ABCG1: variants seen among roughly 807,000 people sequenced by gnomAD.
ABCG1 encodes the protein ATP binding cassette subfamily G member 1.
A neutral mutation model predicts 69.2 loss-of-function variants in ABCG1; 29 were observed. That is an observed-to-expected ratio of 0.42 (90% CI 0.31 to 0.57). ABCG1 has a LOEUF of 0.57. ABCG1 is among the 20% of genes least tolerant of loss of function. The pLI is 0.15. For synonymous variants in ABCG1, 370 were observed against 374.8 expected, an observed-to-expected ratio of 0.99 and a Z score of 0.15; for missense variants, 718 against 898.1, an observed-to-expected ratio of 0.80 and a Z score of 2.56.
chr21:42,263,023 G>A (rs1190407201), intron 2 of ABCG1, among the ~76,000 whole-genome samples: 1 of 152,230 alleles, frequency 6.6e-6, no homozygotes, highest in African/African-American at 2.4e-5. Flanking sequence ...AGCCCCGAGC[G>A]ATGCTGCCGT....
chr21:42,202,286 T>C (rs941955199), intron 2 of ABCG1, among the ~76,000 whole-genome samples: 3 of 152,174 alleles, frequency 2.0e-5, no homozygotes, highest in Non-Finnish European at 4.4e-5. Flanking sequence ...GGGTTTCATG[T>C]TAGTGAAAAC....
chr21:42,238,869 A>G (rs225447), intron 2 of ABCG1, among the ~76,000 whole-genome samples: 80,635 of 152,078 alleles, frequency 0.53, 23,276 homozygotes, highest in African/African-American at 0.77. Context: ...TGGGAGCCAC[A>G]GTCTCACACC....
At chr21:42,264,608 G>A (rs904206571) in intron 2 of ABCG1, among the ~76,000 whole-genome samples, 4 of 152,240 alleles carry the variant, frequency 2.6e-5, no homozygotes, top group Admixed American at 6.5e-5. Flanking sequence ...GAGATGGAAA[G>A]GTGAGGTTCC....
intron 4 of ABCG1, among the ~76,000 whole-genome samples, chr21:42,274,282 C>G (rs913947767): frequency 6.6e-5 from 10 of 152,332 alleles, no homozygotes; most frequent in African/African-American, 2.4e-4. Context: ...TCCTAGTAAG[C>G]CTCCCCACAG....
chr21:42,204,923 G>A (rs2067531945), intron 2 of ABCG1, among the ~76,000 whole-genome samples: 1 of 152,080 alleles, frequency 6.6e-6, no homozygotes, highest in Non-Finnish European at 1.5e-5. Flanking sequence ...TTTTCTGGAG[G>A]AGATTGCCTA....
In ABCG1 at chr21:42,288,779, G is replaced by A. The variant is rs778120180; in HGVS notation, c.1224+467G>A. On this transcript the variant is annotated intron_variant, in intron 10 of 14. Transcript: ENST00000398449. This position sits in a 1 kb window ranked among gnomAD's most constrained non-coding sequence, Gnocchi z 4.8. ...AGGAAGGGAAGGGAAGGAAAGGAAA[G>A]GAAAAAAGAAAGAAAGAAAGAAATG... is the stretch of plus-strand genomic sequence containing the variant. 3.3e-5 allele frequency among the ~76,000 whole-genome samples: 5 copies of A among 151,564 alleles called. No individual in the cohort carries two copies. Among genetic ancestry groups the A allele is most frequent in the Admixed American group, 6.6e-5 (1 of 15,224 alleles).
At chr21:42,212,705 AT>A (rs35840150), upstream of ABCG1, among the ~76,000 whole-genome samples, 13,242 of 140,040 alleles carry the variant, frequency 0.095, 563 homozygotes, top group East Asian at 0.21. Flanking sequence ...TTAAAAACAG[AT>A]TTTTTTTTTT....
Position 42,259,588 on chromosome 21 carries a change from G to A in ABCG1, c.287-11482G>A, listed in dbSNP as rs190843779. ...GCAAATCGAGTGGCATTGCCTCTGC[G>A]GAGCTGGCCATTACCTTGTTTCCTA... On this transcript the variant is annotated intron_variant, in intron 2 of 14. Coordinates refer to ENST00000398449, the MANE Select transcript of ABCG1 (RefSeq NM_016818.3). The A allele has an allele frequency of 3.3e-4, 478 of 1,461,800 alleles. 2 individuals carry two copies. The Middle Eastern group carries it at 6.8e-3, about 21-fold the overall frequency. 90.6% of individuals were successfully genotyped at this position (1,461,800 alleles called of 1,614,324 possible).
upstream of ABCG1, among the ~76,000 whole-genome samples, chr21:42,213,364 C>G (rs2123477235): frequency 6.6e-6 from 1 of 152,380 alleles, no homozygotes; most frequent in South Asian, 2.1e-4. Context: ...GGGCCATCTC[C>G]ATGGGTGTGT....
At chr21:42,256,231 G>T in intron 2 of ABCG1, 3 of 1,454,992 alleles carry the variant, frequency 2.1e-6, no homozygotes, top group Non-Finnish European at 2.7e-6. Flanking sequence ...ATACAAGAAA[G>T]ATGCTAGCAG....
chr21:42,242,234 T>G (rs1488396479), intron 2 of ABCG1, among the ~76,000 whole-genome samples: 1 of 152,260 alleles, frequency 6.6e-6, no homozygotes, highest in Non-Finnish European at 1.5e-5. Context: ...CCTGGCACAG[T>G]GGCTCAGGCC....
In ABCG1 at chr21:42,219,711, C is replaced by A; in HGVS notation, c.42+407C>A. On this transcript the variant is annotated intron_variant, in intron 1 of 14. Coordinates refer to ENST00000398449, the MANE Select transcript of ABCG1 (RefSeq NM_016818.3). The surrounding 1 kb of genome is among the most constrained non-coding windows in gnomAD (Gnocchi z 5.3). The stretch of plus-strand genomic sequence containing the variant: ...GAAGAGGGGACTTGAAGAAGGGGAG[C>A]CCCGCGCGCGCGGCTGTGGGCTTGG... The A allele has an allele frequency of 1.0e-6, 1 of 987,230 alleles. No individual in the cohort carries two copies. Among genetic ancestry groups the A allele is most frequent in the Non-Finnish European group, 1.4e-6 (1 of 705,628 alleles). The allele number at this position is 987,230 out of a possible 1,614,324, so 61.2% of individuals were successfully genotyped here.
At position 42,287,999 on chromosome 21, in the gene ABCG1, G is replaced by A. The variant is rs781438237; in HGVS notation, c.1084G>A (p.Glu362Lys). Residue 362 changes from glutamate (E) to lysine (K), a missense_variant, in exon 9 of 15, where the codon GAG (glutamate) becomes AAG (lysine). Around this residue, in one of 2 missense-constraint regions of ABCG1, gnomAD observed 514 missense variants for 574.3 expected, o/e 0.90. Coordinates refer to ENST00000398449, the MANE Select transcript of ABCG1 (RefSeq NM_016818.3). This position sits in a 1 kb window ranked among gnomAD's most constrained non-coding sequence, Gnocchi z 6.2. Reference sequence around the variant, plus strand: ...CAAGAGAGACCTCGGGGGTGATGCCGAGGTGAACCCTTTTCTTTGGCACCG... The same window carrying A: ...CAAGAGAGACCTCGGGGGTGATGCCAAGGTGAACCCTTTTCTTTGGCACCG... ...DHKRDLGGDA[E>K]VNPFLWHRPS... 103 of 1,613,110 alleles carry A rather than the reference G, an allele frequency of 6.4e-5. No homozygotes were observed. The highest frequency in any genetic ancestry group is 1.6e-4 in the Middle Eastern group (1 of 6,074).
chr21:42,226,065 T>TCTGC (rs1329703604), intron 2 of ABCG1, 151 bp downstream of exon 2: 2 of 937,252 alleles, frequency 2.1e-6, no homozygotes, highest in African/African-American at 1.6e-5. Context: ...TCTATTGCTT[T>TCTGC]CTGCCTGAAT....
intron 2 of ABCG1, among the ~76,000 whole-genome samples, chr21:42,265,313 G>A (rs1395882944): frequency 1.3e-5 from 2 of 152,230 alleles, no homozygotes; most frequent in African/African-American, 4.8e-5. Flanking sequence ...ATATGTTGAA[G>A]TTCTAACCCC....
chr21:42,247,650 A>G (rs1022185938), intron 2 of ABCG1, among the ~76,000 whole-genome samples: 1 of 152,204 alleles, frequency 6.6e-6, no homozygotes, highest in Admixed American at 6.5e-5. Context: ...TGTAAATGTG[A>G]CCTTATTCAG....
In ABCG1 at chr21:42,293,865, ACACAC is replaced by A. The variant is rs754053872; in HGVS notation, c.1654-666_1654-662del. Among the ~76,000 whole-genome samples, 11 of 149,894 alleles carry A rather than the reference ACACAC, an allele frequency of 7.3e-5. 1 individual carries two copies. Among genetic ancestry groups the A allele is most frequent in the East Asian group, 4.0e-4 (2 of 5,040 alleles). On this transcript the variant is annotated intron_variant, in intron 13 of 14. Coordinates refer to ENST00000398449, the MANE Select transcript of ABCG1 (RefSeq NM_016818.3). The stretch of plus-strand genomic sequence containing the variant: ...CTACACACTAGAAACATCACACACT[ACACAC>A]CACACCACACACCACACACTCCACA...
chr21:42,293,026 C>T (rs1267357684), intron 13 of ABCG1, among the ~76,000 whole-genome samples: 3 of 146,124 alleles, frequency 2.1e-5, no homozygotes, highest in Non-Finnish European at 4.5e-5. Context: ...ACACACACCA[C>T]ACTACACACT....
At chr21:42,294,163 G>T (rs1263002313) in intron 13 of ABCG1, among the ~76,000 whole-genome samples, 1 of 152,126 alleles carries the variant, frequency 6.6e-6, no homozygotes, top group East Asian at 1.9e-4. Context: ...TGCCCCGACC[G>T]AAGGGGTGCC....
Sources: gnomAD v4.1 joint callset for allele counts (sites outside exome capture counted in the v4.1 genomes callset) on GRCh38, gnomAD v4.1.1 for gene constraint, gnomAD v4.1.1 regional missense constraint, Gnocchi (gnomAD v3.1) non-coding constraint, MANE v1.5 for transcripts, NCBI Gene and HGNC (gene_info 2026-07-23, HGNC 2026-07-21) for gene names.